The following LARS1 variants were observed in gnomAD, a reference collection of about 807,000 sequenced individuals.
LARS1 encodes leucyl-tRNA synthetase 1, also known as leucine--tRNA ligase, cytoplasmic.
A neutral mutation model predicts 162.8 loss-of-function variants in LARS1; 100 were observed. That is an observed-to-expected ratio of 0.61 (90% confidence interval 0.52 to 0.73). The LOEUF (loss-of-function observed/expected upper bound fraction) is 0.73. LARS1 is among the 30% of genes least tolerant of loss of function. The pLI is 0.00. For synonymous variants in LARS1, 457 were observed against 462.8 expected, an observed-to-expected ratio of 0.99 and a Z score of 0.16; for missense variants, 1,258 against 1,408.9, an observed-to-expected ratio of 0.89 and a Z score of 1.71.
intron 21 of LARS1, among the ~76,000 whole-genome samples, chr5:146,139,358 A>G (rs1484015892): frequency 1.1e-5 from 1 of 90,256 alleles, no homozygotes; most frequent in Non-Finnish European, 2.5e-5. Flanking sequence ...AAAAAAAAAA[A>G]AAGAAAAAGA....
intron 21 of LARS1, chr5:146,138,285 G>A (rs1752600927): frequency 1.1e-5 from 2 of 182,396 alleles, no homozygotes; most frequent in South Asian, 1.6e-4. Flanking sequence ...GGCCCCATGG[G>A]AACAGTAGCA....
At position 146,142,996 on chromosome 5, in the gene LARS1, C is replaced by G; in HGVS notation, c.1966G>C (p.Asp656His). The G allele has an allele frequency of 6.2e-7, 1 of 1,613,874 alleles. No individual in the cohort carries two copies. Among genetic ancestry groups the G allele is most frequent in the Non-Finnish European group, 8.5e-7 (1 of 1,179,834 alleles). The stretch of plus-strand genomic sequence containing the variant: ...AATTCAAACTCCTGCTTTAACTGAT[C>G]TAATTTTTCCTTTGCAATCTGAGTC... ...PKTQIAKEKL[D>H]QLKQEFEFWY... The change falls in exon 20 of 32, where the codon GAT (aspartate) becomes CAT (histidine). Residue 656 changes from aspartate to histidine, a missense_variant. Coordinates refer to ENST00000394434, the MANE Select transcript of LARS1 (RefSeq NM_020117.11).
chr5:146,173,554 T>A (rs114780888), intron 2 of LARS1, among the ~76,000 whole-genome samples: 9,269 of 151,216 alleles, frequency 0.061, 320 homozygotes, highest in Non-Finnish European at 0.069. Context: ...TTTTTTTTTT[T>A]AATTTTTTAG....
At chr5:146,165,242 G>C (rs940965622) in intron 5 of LARS1, among the ~76,000 whole-genome samples, 1 of 152,160 alleles carries the variant, frequency 6.6e-6, no homozygotes, top group African/African-American at 2.4e-5. Flanking sequence ...GCTGAGGCAG[G>C]AGAATCACTT....
Position 146,153,985 on chromosome 5 carries a change from A to G in LARS1, c.1066-5T>C. ...AAGTGATGCACCAAGAATTTCCTGC[A>G]TAAGAAAAAAATCAATATAAAAGGT... On this transcript the variant is annotated splice_region_variant and splice_polypyrimidine_tract_variant and intron_variant, in intron 10 of 31. Transcript: ENST00000394434. 4 of 1,585,364 alleles carry G rather than the reference A, an allele frequency of 2.5e-6. No homozygotes were observed. The highest frequency in any genetic ancestry group is 4.5e-5 in the East Asian group (2 of 44,698).
intron 8 of LARS1, among the ~76,000 whole-genome samples, chr5:146,158,489 ATT>A (rs1446680836): frequency 6.6e-6 from 1 of 152,220 alleles, no homozygotes; most frequent in Non-Finnish European, 1.5e-5. Flanking sequence ...AGATGCTGGC[ATT>A]GTCATTGATT....
rs1383454955 is a variant in LARS1, at chr5:146,153,882, A to G, written c.1153+11T>C. On this transcript the variant is annotated intron_variant, in intron 11 of 31. Coordinates refer to ENST00000394434, the MANE Select transcript of LARS1 (RefSeq NM_020117.11). The stretch of plus-strand genomic sequence containing the variant: ...TATCAAAATATTTCTAGAAATAAAT[A>G]AACTCTTTACCTTTATCCTCCTTAA... 2 of 1,608,810 alleles carry G rather than the reference A, an allele frequency of 1.2e-6. No individual in the cohort carries two copies. The highest frequency in any genetic ancestry group is 1.7e-6 in the Non-Finnish European group (2 of 1,175,530).
intron 23 of LARS1, chr5:146,132,635 G>T: frequency 3.5e-6 from 1 of 285,210 alleles, no homozygotes; most frequent in Non-Finnish European, 6.4e-6. Flanking sequence ...ATACTTAATT[G>T]TTCTAAGCTT....
intron 23 of LARS1, 33 bp from the exon 24 acceptor site, chr5:146,131,142 T>C (rs1286144307): frequency 8.8e-7 from 1 of 1,140,340 alleles, no homozygotes; most frequent in Admixed American, 2.4e-5. Flanking sequence ...GGTTATTGAG[T>C]TTAAAGGCAC....
chr5:146,143,301 A>T, intron 19 of LARS1, 111 bp downstream of exon 19: 1 of 1,415,756 alleles, frequency 7.1e-7, no homozygotes, highest in Non-Finnish European at 9.5e-7. Flanking sequence ...AAGCAAAAAT[A>T]TCATGACAAA....
chr5:146,123,134 TTAAAA>T (rs1452489400), intron 29 of LARS1, among the ~76,000 whole-genome samples: 2 of 152,034 alleles, frequency 1.3e-5, no homozygotes, highest in African/African-American at 4.8e-5. Context: ...ATTAACTCAT[TTAAAA>T]TAAAATACTT....
chr5:146,129,185 T>A, intron 25 of LARS1, 67 bp from the exon 26 acceptor site: 6 of 1,348,326 alleles, frequency 4.4e-6, no homozygotes, highest in Non-Finnish European at 6.1e-6. Flanking sequence ...TTACGGTTCT[T>A]GATTATAGTT....
intron 22 of LARS1, among the ~76,000 whole-genome samples, chr5:146,133,993 C>T (rs1205511739): frequency 1.3e-5 from 2 of 152,056 alleles, no homozygotes; most frequent in African/African-American, 2.4e-5. Context: ...TACAGGCATG[C>T]GCCACCACGC....
At chr5:146,176,420 C>G (rs934699721) in intron 2 of LARS1, among the ~76,000 whole-genome samples, 3 of 147,244 alleles carry the variant, frequency 2.0e-5, no homozygotes, top group Non-Finnish European at 4.5e-5. Flanking sequence ...CCACTGCACT[C>G]CAGCCTGATG....
At chr5:146,121,270 A>T (rs1325163827) in intron 30 of LARS1, among the ~76,000 whole-genome samples, 1 of 152,058 alleles carries the variant, frequency 6.6e-6, no homozygotes, top group Non-Finnish European at 1.5e-5. Context: ...CTGGGTTTTC[A>T]AATGTGGCAA....
At chr5:146,151,351 T>C (rs1235848295) in intron 14 of LARS1, among the ~76,000 whole-genome samples, 1 of 152,240 alleles carries the variant, frequency 6.6e-6, no homozygotes, top group East Asian at 1.9e-4. Flanking sequence ...TGGATTTTTA[T>C]GTTCTCTAGC....
chr5:146,157,669 C>T, intron 9 of LARS1, 41 bp from the exon 10 acceptor site: 2 of 1,612,540 alleles, frequency 1.2e-6, no homozygotes, highest in Non-Finnish European at 8.5e-7. Flanking sequence ...AACATGTCAA[C>T]TCTGTAACAA....
At chr5:146,167,686 G>A (rs1252965240) in intron 5 of LARS1, among the ~76,000 whole-genome samples, 4 of 150,808 alleles carry the variant, frequency 2.7e-5, no homozygotes, top group Admixed American at 6.6e-5. Flanking sequence ...GAGCCACCAC[G>A]CCCGGCTAAT....
intron 31 of LARS1, among the ~76,000 whole-genome samples, chr5:146,116,538 T>C (rs1341887379): frequency 6.6e-6 from 1 of 152,224 alleles, no homozygotes; most frequent in African/African-American, 2.4e-5. Context: ...CGTAGAGCTT[T>C]CTTACTGGTT....
Sources: allele counts gnomAD v4.1 joint callset (sites outside exome capture counted in the v4.1 genomes callset), GRCh38; gene constraint gnomAD v4.1.1; transcripts MANE v1.5; gene names NCBI Gene and HGNC (gene_info 2026-07-23, HGNC 2026-07-21).